The following SLC25A43 variants were observed in gnomAD, a reference collection of about 807,000 sequenced individuals.
The protein encoded by SLC25A43 is solute carrier family 25 member 43.
In SLC25A43, 10 loss-of-function variants were observed where a neutral mutation model predicts 22.8. That is an observed-to-expected ratio of 0.44 (90% CI 0.27 to 0.74). The LOEUF is 0.74. SLC25A43 is among the 30% of genes least tolerant of loss of function. The pLI, the probability that SLC25A43 is intolerant of heterozygous loss-of-function variation, is 0.17. For missense variants in SLC25A43, 233 were observed against 279.1 expected, an observed-to-expected ratio of 0.83 and a Z score of 1.18; for synonymous variants, 106 against 121.6, an observed-to-expected ratio of 0.87 and a Z score of 0.84.
Position 119,454,338 on chromosome X carries a change from A to T in SLC25A43, c.*1273A>T, listed in dbSNP as rs2052726872. On this transcript the variant is annotated 3_prime_UTR_variant, in exon 5 of 5. Coordinates refer to ENST00000217909, the MANE Select transcript of SLC25A43 (RefSeq NM_145305.3). ...TATATAACTATACTTGTCAAATAGC[A>T]CCTATCTATGCATTTAAAAATGCAT... The T allele has an allele frequency of 8.9e-6, 1 of 112,538 alleles. No homozygotes were observed. The highest frequency in any genetic ancestry group is 1.9e-5 in the Non-Finnish European group (1 of 53,299). The allele number at this position is 112,538 out of a possible 1,213,427, so 9.3% of individuals were successfully genotyped here.
chrX:119,447,839 A>T (rs2052679300), intron 3 of SLC25A43, among the ~76,000 whole-genome samples: 2 of 110,085 alleles, frequency 1.8e-5, no homozygotes, highest in Non-Finnish European at 1.9e-5. Flanking sequence ...GCCCTAAGTG[A>T]TCTCATCTGG....
intron 3 of SLC25A43, among the ~76,000 whole-genome samples, chrX:119,424,224 A>G (rs1245665138): frequency 9.1e-6 from 1 of 110,234 alleles, no homozygotes; most frequent in Non-Finnish European, 1.9e-5. Context: ...AAAAAAAAAA[A>G]AAAGAAAGAA....
intron 2 of SLC25A43, among the ~76,000 whole-genome samples, 199 bp downstream of exon 2, chrX:119,406,900 G>C (rs1277237779): frequency 8.9e-6 from 1 of 112,879 alleles, no homozygotes; most frequent in African/African-American, 3.2e-5. Context: ...TTACATCCCC[G>C]GGAGGGGAGT....
Position 119,399,552 on chromosome X carries a change from G to C in SLC25A43, c.149G>C (p.Arg50Pro). Residue 50 changes from arginine to proline, a missense_variant, in exon 1 of 5, where the codon CGG becomes CCG. Coordinates refer to ENST00000217909, the MANE Select transcript of SLC25A43 (RefSeq NM_145305.3). ...AQVGVVRGHA[R>P]GPWATGHRVW... ...GTTGGCGTCGTGCGAGGCCACGCCC[G>C]GGGACCGTGGGCCACAGGGCACCGG... 9.4e-7 allele frequency: 1 copy of C among 1,062,745 alleles called. No homozygotes were observed. The highest frequency in any genetic ancestry group is 3.7e-5 in the Admixed American group (1 of 27,332). 87.6% of individuals were successfully genotyped at this position (1,062,745 alleles called of 1,213,427 possible). A position where few individuals can be genotyped will look rare whatever the true frequency, so the allele number is the denominator to read the frequency against.
In SLC25A43 at chrX:119,453,393, GC is replaced by G. The variant is rs1445447713; in HGVS notation, c.*329del. The stretch of plus-strand genomic sequence containing the variant: ...AAGGGCATTGCCATGACATCTCAAA[GC>G]AACAGGTAATTGAAGTGGCTGAGTG... On this transcript the variant is annotated 3_prime_UTR_variant, in exon 5 of 5. Coordinates refer to ENST00000217909, the MANE Select transcript of SLC25A43 (RefSeq NM_145305.3). 2 of 229,912 alleles carry G rather than the reference GC, an allele frequency of 8.7e-6. No homozygotes were observed. The highest frequency in any genetic ancestry group is 1.6e-5 in the Non-Finnish European group (2 of 129,004). 18.9% of individuals were successfully genotyped at this position (229,912 alleles called of 1,213,427 possible).
intron 4 of SLC25A43, 44 bp downstream of exon 4, chrX:119,452,187 A>T (rs780691262): frequency 4.3e-6 from 5 of 1,151,954 alleles, no homozygotes; most frequent in Non-Finnish European, 5.8e-6. Flanking sequence ...GCCTCTTCCA[A>T]TTCTACCCTC....
chrX:119,432,880 G>A (rs947304259), intron 3 of SLC25A43, among the ~76,000 whole-genome samples: 1 of 109,771 alleles, frequency 9.1e-6, no homozygotes, highest in Non-Finnish European at 1.9e-5. Flanking sequence ...GGAGGCTGAG[G>A]CAGGTGGATC....
intron 3 of SLC25A43, among the ~76,000 whole-genome samples, chrX:119,450,390 C>A (rs1286446187): frequency 8.9e-6 from 1 of 111,836 alleles, no homozygotes; most frequent in African/African-American, 3.3e-5. Flanking sequence ...GTTAAGAATA[C>A]TAAGGATACA....
chrX:119,443,721 T>C (rs755757624), intron 3 of SLC25A43, among the ~76,000 whole-genome samples: 1 of 107,250 alleles, frequency 9.3e-6, no homozygotes, highest in East Asian at 2.8e-4. Flanking sequence ...GGAGAATTAT[T>C]TTTTATTTAT....
chrX:119,450,755 C>T, intron 3 of SLC25A43, among the ~76,000 whole-genome samples: 1 of 112,640 alleles, frequency 8.9e-6, no homozygotes, highest in Middle Eastern at 4.6e-3. Flanking sequence ...AAACTCAACA[C>T]CATTTCTGAA....
chrX:119,433,758 C>A (rs1435586033), intron 3 of SLC25A43, among the ~76,000 whole-genome samples: 1 of 111,573 alleles, frequency 9.0e-6, no homozygotes, highest in East Asian at 2.8e-4. Context: ...AGGAAACTGA[C>A]CCTTGCTTAA....
intron 4 of SLC25A43, 102 bp downstream of exon 4, chrX:119,452,245 C>T: frequency 1.0e-6 from 1 of 960,348 alleles, no homozygotes; most frequent in Non-Finnish European, 1.4e-6. Context: ...GGAAAACCCC[C>T]TCTAGCACTA....
At chrX:119,448,469 C>T (rs1267670890) in intron 3 of SLC25A43, among the ~76,000 whole-genome samples, 1 of 111,667 alleles carries the variant, frequency 9.0e-6, no homozygotes, top group African/African-American at 3.3e-5. Flanking sequence ...CCACCATTTA[C>T]TTTTGTGAAG....
intron 3 of SLC25A43, among the ~76,000 whole-genome samples, chrX:119,413,080 C>G (rs2052365513): frequency 2.7e-5 from 3 of 109,759 alleles, no homozygotes. Flanking sequence ...AATCCTGCCA[C>G]CGCATTCCAG....
chrX:119,403,004 AAGTCATTCAGTGAATT>A (rs973898737), intron 1 of SLC25A43, among the ~76,000 whole-genome samples: 6 of 111,695 alleles, frequency 5.4e-5, no homozygotes, highest in African/African-American at 2.0e-4. Context: ...CTAGTTCATC[AAGTCATTCAGTGAATT>A]AAGGGCCTGT....
intron 3 of SLC25A43, among the ~76,000 whole-genome samples, chrX:119,425,559 C>A (rs1445641727): frequency 9.4e-6 from 1 of 106,042 alleles, no homozygotes; most frequent in Non-Finnish European, 1.9e-5. Flanking sequence ...CTGCTGTCAT[C>A]TTACTTTTAG....
At chrX:119,401,646 G>T (rs1569363961) in intron 1 of SLC25A43, among the ~76,000 whole-genome samples, 1 of 109,362 alleles carries the variant, frequency 9.1e-6, no homozygotes, top group Non-Finnish European at 1.9e-5. Flanking sequence ...AGAAAAGCAG[G>T]TTGGAATGAG....
intron 1 of SLC25A43, among the ~76,000 whole-genome samples, chrX:119,405,839 C>T (rs1325057685): frequency 9.1e-6 from 1 of 110,495 alleles, no homozygotes; most frequent in African/African-American, 3.3e-5. Context: ...CGAGACCAGT[C>T]TGGCCAACAT....
chrX:119,420,313 T>C lies in SLC25A43; in HGVS notation c.690+9951T>C, dbSNP rs770442622. Reference sequence around the variant, plus strand: ...CCTTTTTTTTTTTTTTTTTTCTTTTTGTGAGACAGGGTCTTGCTCTCTCTC... The same window carrying C: ...CCTTTTTTTTTTTTTTTTTTCTTTTCGTGAGACAGGGTCTTGCTCTCTCTC... On this transcript the variant is annotated intron_variant, in intron 3 of 4. Transcript: ENST00000217909. Among the ~76,000 whole-genome samples, 390 of 107,992 alleles carry C rather than the reference T, an allele frequency of 3.6e-3. 3 individuals are homozygous for C. Among genetic ancestry groups the C allele is most frequent in the African/African-American group, 0.013 (371 of 29,495 alleles). The allele number at this position is 107,992 out of a possible 115,157, so 93.8% of individuals were successfully genotyped here. A position where few individuals can be genotyped will look rare whatever the true frequency, so the allele number is the denominator to read the frequency against.
Sources: gnomAD v4.1 joint callset for allele counts (sites outside exome capture counted in the v4.1 genomes callset) on GRCh38, gnomAD v4.1.1 for gene constraint, MANE v1.5 for transcripts, NCBI Gene and HGNC (gene_info 2026-07-23, HGNC 2026-07-21) for gene names.